NOPCHAP1: variants seen among roughly 807,000 people sequenced by gnomAD.
NOPCHAP1 encodes the protein DNA damage-sensitive RNA 1.
In NOPCHAP1, 13 loss-of-function variants were observed where a neutral mutation model predicts 14.0. The ratio of observed to expected loss-of-function variants is 0.93; its 90% CI spans 0.60 to 1.47. NOPCHAP1 has a LOEUF of 1.47. Ranked by LOEUF, NOPCHAP1 falls within the 40% of genes most tolerant of loss-of-function variation. NOPCHAP1 has a pLI of 0.00. For synonymous variants in NOPCHAP1, 78 were observed against 78.4 expected (o/e 1.00, Z 0.03); for missense variants, 230 against 226.9 (o/e 1.01, Z -0.09).
rs573192110 is a variant in NOPCHAP1, at chr12:105,011,774, T to C, written c.*17078T>C. 3 of 152,224 alleles carry C rather than the reference T, an allele frequency of 2.0e-5. No homozygotes were observed. The highest frequency in any genetic ancestry group is 4.4e-5 in the Non-Finnish European group (3 of 68,038). The allele number at this position is 152,224 out of a possible 1,614,324, so 9.4% of individuals were successfully genotyped here. ...AGCTTAGTTTGGCTGGATATGAAAT[T>C]CTGGGTTGAAAATTCTTCTTTTTAA... On this transcript the variant is annotated 3_prime_UTR_variant, in exon 4 of 4. Transcript: ENST00000552951.
chr12:104,989,619 T>C (rs1873327969), intron 2 of NOPCHAP1, among the ~76,000 whole-genome samples: 1 of 152,212 alleles, frequency 6.6e-6, no homozygotes, highest in Non-Finnish European at 1.5e-5. Context: ...TCTTTGTGAG[T>C]CTTGAGCTTG....
In NOPCHAP1 at chr12:104,997,899, T is replaced by C. The variant is rs1477965108; in HGVS notation, c.*3203T>C. 1 of 152,256 alleles carries C rather than the reference T, an allele frequency of 6.6e-6. No homozygotes were observed. Among genetic ancestry groups the C allele is most frequent in the African/African-American group, 2.4e-5 (1 of 41,466 alleles). 9.4% of individuals were successfully genotyped at this position (152,256 alleles called of 1,614,324 possible). ...TCTCGGAAGTTTTGTCCATTCTTTA[T>C]TGTTTTTTTTCTCCAATAAAGAAAA... On this transcript the variant is annotated 3_prime_UTR_variant, in exon 4 of 4. Coordinates refer to ENST00000552951, the MANE Select transcript of NOPCHAP1 (RefSeq NM_152318.3).
rs1031944362 is a variant in NOPCHAP1, at chr12:105,003,899, C to T, written c.*9203C>T. The T allele has an allele frequency of 6.6e-6, 1 of 152,190 alleles. No homozygotes were observed. Among genetic ancestry groups the T allele is most frequent in the Non-Finnish European group, 1.5e-5 (1 of 68,032 alleles). The allele number at this position is 152,190 out of a possible 1,614,324, so 9.4% of individuals were successfully genotyped here. A position where few individuals can be genotyped will look rare whatever the true frequency, so the allele number is the denominator to read the frequency against. On this transcript the variant is annotated 3_prime_UTR_variant, in exon 4 of 4. Coordinates refer to ENST00000552951, the MANE Select transcript of NOPCHAP1 (RefSeq NM_152318.3). ...ACTGCCTATGACTGGCTGAAGCTCA[C>T]CTGTTTCTGTCTGGCTTAAACCTAG...
At chr12:104,988,300 T>C in intron 2 of NOPCHAP1, 47 bp downstream of exon 2, 2 of 1,463,344 alleles carry the variant, frequency 1.4e-6, no homozygotes, top group South Asian at 2.4e-5. Context: ...CTGAGTTTTG[T>C]CTGATTAAGC....
At position 104,999,355 on chromosome 12, in the gene NOPCHAP1, C is replaced by T; in HGVS notation, c.*4659C>T. The T allele has an allele frequency of 6.6e-6, 1 of 152,474 alleles. No homozygotes were observed. Among genetic ancestry groups the T allele is most frequent in the African/African-American group, 2.4e-5 (1 of 41,504 alleles). The allele number at this position is 152,474 out of a possible 1,614,324, so 9.4% of individuals were successfully genotyped here. On this transcript the variant is annotated 3_prime_UTR_variant, in exon 4 of 4. Coordinates refer to ENST00000552951, the MANE Select transcript of NOPCHAP1 (RefSeq NM_152318.3). ...GTGGGGGTAGTACTGGAGTTCTCTGCCATTCAGGCACGATCTGCCAACTCA... is the reference window on the plus strand; with the variant it reads ...GTGGGGGTAGTACTGGAGTTCTCTGTCATTCAGGCACGATCTGCCAACTCA...
chr12:105,016,132 A>G lies in NOPCHAP1; in HGVS notation c.*21436A>G, dbSNP rs1873941041. On this transcript the variant is annotated 3_prime_UTR_variant, in exon 4 of 4. Transcript: ENST00000552951. ...GGGAAATACTGGGGAAAATATCTGA[A>G]ACATGACAGAGTGTCATTAATATAT... 6.6e-6 allele frequency: 1 copy of G among 152,218 alleles called. No individual in the cohort carries two copies. Among genetic ancestry groups the G allele is most frequent in the Non-Finnish European group, 1.5e-5 (1 of 68,042 alleles). 9.4% of individuals were successfully genotyped at this position (152,218 alleles called of 1,614,324 possible).
rs1215912982 is a variant in NOPCHAP1 at position 105,009,736 on chromosome 12, C to T, written c.*15040C>T. The T allele has an allele frequency of 2.6e-5, 4 of 152,078 alleles. No individual in the cohort carries two copies. The allele number at this position is 152,078 out of a possible 1,614,324, so 9.4% of individuals were successfully genotyped here. ...ATTGAAATAATCATGTGCTTTTTGT[C>T]ATTGGTTCTGTTTATGTGATGGATT... is the stretch of plus-strand genomic sequence containing the variant. On this transcript the variant is annotated 3_prime_UTR_variant, in exon 4 of 4. Transcript: ENST00000552951.
rs987105260 is a variant in NOPCHAP1, at chr12:105,007,490, G to T, written c.*12794G>T. 5 of 152,128 alleles carry T rather than the reference G, an allele frequency of 3.3e-5. No homozygotes were observed. The highest frequency in any genetic ancestry group is 1.2e-4 in the African/African-American group (5 of 41,430). The allele number at this position is 152,128 out of a possible 1,614,324, so 9.4% of individuals were successfully genotyped here. On this transcript the variant is annotated 3_prime_UTR_variant, in exon 4 of 4. Transcript: ENST00000552951. ...GCACTTTATATGGTTCCTACCTATGGTGTTATTCAAGGTTTACAATATTGC... is the reference window on the plus strand; with the variant it reads ...GCACTTTATATGGTTCCTACCTATGTTGTTATTCAAGGTTTACAATATTGC...
At position 105,009,351 on chromosome 12, in the gene NOPCHAP1, G is replaced by C. The variant is rs910124177; in HGVS notation, c.*14655G>C. On this transcript the variant is annotated 3_prime_UTR_variant, in exon 4 of 4. Transcript: ENST00000552951. The stretch of plus-strand genomic sequence containing the variant: ...AGACTTTTGCTGAAATTGCTTATCA[G>C]CTTAAGGAGTTTTTGGGCTAAGATG... 6.6e-6 allele frequency: 1 copy of C among 152,144 alleles called. No individual in the cohort carries two copies. Among genetic ancestry groups the C allele is most frequent in the Non-Finnish European group, 1.5e-5 (1 of 68,034 alleles). The allele number at this position is 152,144 out of a possible 1,614,324, so 9.4% of individuals were successfully genotyped here.
chr12:104,992,823 C>G (rs1873410085), intron 3 of NOPCHAP1, among the ~76,000 whole-genome samples: 1 of 152,154 alleles, frequency 6.6e-6, no homozygotes, highest in Non-Finnish European at 1.5e-5. Flanking sequence ...GCCTGATGAT[C>G]TGAGGTGGAA....
rs1429095736 is a variant in NOPCHAP1 at position 105,016,364 on chromosome 12, C to G, written c.*21668C>G. 2.0e-5 allele frequency: 3 copies of G among 152,174 alleles called. No homozygotes were observed. Among genetic ancestry groups the G allele is most frequent in the African/African-American group, 4.8e-5 (2 of 41,430 alleles). The allele number at this position is 152,174 out of a possible 1,614,324, so 9.4% of individuals were successfully genotyped here. A position where few individuals can be genotyped will look rare whatever the true frequency, so the allele number is the denominator to read the frequency against. On this transcript the variant is annotated 3_prime_UTR_variant, in exon 4 of 4. Coordinates refer to ENST00000552951, the MANE Select transcript of NOPCHAP1 (RefSeq NM_152318.3). The stretch of plus-strand genomic sequence containing the variant: ...AGCCCTTTCTGTGTTAGCTACTAGT[C>G]TAAGAGTTACCACCACTCATACATA...
At position 105,013,375 on chromosome 12, in the gene NOPCHAP1, G is replaced by T. The variant is rs1873874236; in HGVS notation, c.*18679G>T. 1 of 152,262 alleles carries T rather than the reference G, an allele frequency of 6.6e-6. No individual in the cohort carries two copies. Among genetic ancestry groups the T allele is most frequent in the Non-Finnish European group, 1.5e-5 (1 of 68,088 alleles). The allele number at this position is 152,262 out of a possible 1,614,324, so 9.4% of individuals were successfully genotyped here. ...ACGTTGACTTCAGACTGCTGTGCTG[G>T]CAGTGAGAATTTCAAGCCAGTGGAT... On this transcript the variant is annotated 3_prime_UTR_variant, in exon 4 of 4. Coordinates refer to ENST00000552951, the MANE Select transcript of NOPCHAP1 (RefSeq NM_152318.3).
rs1873656762 is a variant in NOPCHAP1, at chr12:105,003,787, TA to T, written c.*9094del. The T allele has an allele frequency of 6.6e-6, 1 of 152,244 alleles. No individual in the cohort carries two copies. The highest frequency in any genetic ancestry group is 1.5e-5 in the Non-Finnish European group (1 of 68,044). The allele number at this position is 152,244 out of a possible 1,614,324, so 9.4% of individuals were successfully genotyped here. On this transcript the variant is annotated 3_prime_UTR_variant, in exon 4 of 4. Transcript: ENST00000552951. ...CACAGAGAGTATGCTTTTATAAGTA[TA>T]AATTGAACTTGGAAGTAAACTACAG...
At chr12:104,986,966 C>G (rs1023084106) in intron 1 of NOPCHAP1, among the ~76,000 whole-genome samples, 2 of 152,216 alleles carry the variant, frequency 1.3e-5, no homozygotes, top group Admixed American at 1.3e-4. Flanking sequence ...ATTTCAGACA[C>G]TATAGGTAGA....
chr12:104,998,262 G>C lies in NOPCHAP1; in HGVS notation c.*3566G>C, dbSNP rs1197468326. On this transcript the variant is annotated 3_prime_UTR_variant, in exon 4 of 4. Transcript: ENST00000552951. The stretch of plus-strand genomic sequence containing the variant: ...TAGTGTAGTTTTTTGGAGGTAAGAA[G>C]ATACTCTAGTGCTTTTGTCAGTTTT... 6.6e-6 allele frequency: 1 copy of C among 152,294 alleles called. No homozygotes were observed. The highest frequency in any genetic ancestry group is 6.5e-5 in the Admixed American group (1 of 15,284). The allele number at this position is 152,294 out of a possible 1,614,324, so 9.4% of individuals were successfully genotyped here. A position where few individuals can be genotyped will look rare whatever the true frequency, so the allele number is the denominator to read the frequency against.
intron 3 of NOPCHAP1, among the ~76,000 whole-genome samples, chr12:104,993,959 A>T (rs116269333): frequency 2.1e-3 from 324 of 152,366 alleles, no homozygotes; most frequent in African/African-American, 7.0e-3. Context: ...GCCGTAGCAG[A>T]TATTTTAGAC....
rs957642385 is a variant in NOPCHAP1, at chr12:105,004,118, T to C, written c.*9422T>C. On this transcript the variant is annotated 3_prime_UTR_variant, in exon 4 of 4. Coordinates refer to ENST00000552951, the MANE Select transcript of NOPCHAP1 (RefSeq NM_152318.3). ...GAAACCAGAGCTAGTTTTTAAAGAG[T>C]TGGGATATATAGCATTTGGATGTCT... 2 of 152,154 alleles carry C rather than the reference T, an allele frequency of 1.3e-5. No homozygotes were observed. The highest frequency in any genetic ancestry group is 2.9e-5 in the Non-Finnish European group (2 of 68,036). 9.4% of individuals were successfully genotyped at this position (152,154 alleles called of 1,614,324 possible). A position where few individuals can be genotyped will look rare whatever the true frequency, so the allele number is the denominator to read the frequency against.
rs1381684462 is a variant in NOPCHAP1, at chr12:104,997,342, A to T, written c.*2646A>T. On this transcript the variant is annotated 3_prime_UTR_variant, in exon 4 of 4. Coordinates refer to ENST00000552951, the MANE Select transcript of NOPCHAP1 (RefSeq NM_152318.3). ...AAAGGATCTTATTTCTCCTTTGCTT[A>T]TGAAGCTTAGTTTAGTCAGATATGA... The T allele has an allele frequency of 6.6e-6, 1 of 152,210 alleles. No homozygotes were observed. Among genetic ancestry groups the T allele is most frequent in the Non-Finnish European group, 1.5e-5 (1 of 68,038 alleles). 9.4% of individuals were successfully genotyped at this position (152,210 alleles called of 1,614,324 possible).
At chr12:104,994,285 G>A (rs891432891) in intron 3 of NOPCHAP1, among the ~76,000 whole-genome samples, 193 bp from the exon 4 acceptor site, 1 of 152,080 alleles carries the variant, frequency 6.6e-6, no homozygotes, top group Admixed American at 6.5e-5. Context: ...AGGCGGAGGG[G>A]GCAGTGAGCT....
Sources: allele counts gnomAD v4.1 joint callset (sites outside exome capture counted in the v4.1 genomes callset), GRCh38; gene constraint gnomAD v4.1.1; transcripts MANE v1.5; gene names NCBI Gene and HGNC (gene_info 2026-07-23, HGNC 2026-07-21).